Variants in SHISA9 observed in about 807,000 individuals in gnomAD.
SHISA9 encodes the protein shisa family member 9, also known as protein shisa-9.
A neutral mutation model predicts 38.0 loss-of-function variants in SHISA9; 13 were observed. The ratio of observed to expected loss-of-function variants is 0.34; its 90% confidence interval spans 0.22 to 0.54. SHISA9 has a LOEUF of 0.54. Ranked by LOEUF, SHISA9 falls within the 20% of genes least tolerant of loss-of-function variation. SHISA9 has a pLI of 0.91. For missense variants in SHISA9, 538 were observed against 575.8 expected (o/e 0.93, Z 0.67); for synonymous variants, 275 against 242.0 (o/e 1.14, Z -1.27).
intron 2 of SHISA9, among the ~76,000 whole-genome samples, chr16:13,084,134 A>T (rs2073684914): frequency 6.6e-6 from 1 of 152,212 alleles, no homozygotes; most frequent in South Asian, 2.1e-4. Context: ...CTTATAAATT[A>T]TCTGCCCAGC....
chr16:13,561,231 G>A, the SHISA9 span, among the ~76,000 whole-genome samples: 10 of 152,206 alleles, frequency 6.6e-5, no homozygotes, highest in South Asian at 6.2e-4. Context: ...GAACCCTTTG[G>A]CAGTTATTAG....
intron 2 of SHISA9, among the ~76,000 whole-genome samples, chr16:13,015,297 C>T (rs1567182097): frequency 6.6e-6 from 1 of 152,196 alleles, no homozygotes; most frequent in Admixed American, 6.5e-5. Context: ...TAACTATCTG[C>T]CCCTTTCAGA....
intron 2 of SHISA9, among the ~76,000 whole-genome samples, chr16:13,186,288 CTTTTTTTTTTTT>C (rs113608898): frequency 1.9e-5 from 2 of 104,272 alleles, no homozygotes; most frequent in Admixed American, 2.3e-4. Context: ...CCATCTTAAC[CTTTTTTTTTTTT>C]TTTTTTTTTT....
At chr16:13,287,128 CTG>C in the SHISA9 span, among the ~76,000 whole-genome samples, 1 of 152,126 alleles carries the variant, frequency 6.6e-6, no homozygotes, top group South Asian at 2.1e-4. Flanking sequence ...ATTTAAAACA[CTG>C]TAACATGGCC....
intron 2 of SHISA9, among the ~76,000 whole-genome samples, chr16:12,969,541 C>T (rs976388996): frequency 1.3e-5 from 2 of 151,836 alleles, no homozygotes; most frequent in African/African-American, 2.4e-5. Flanking sequence ...GCCAGGAGTT[C>T]GAGACCAGCC....
the SHISA9 span, among the ~76,000 whole-genome samples, chr16:13,413,977 T>G: frequency 1.6e-4 from 25 of 152,114 alleles, no homozygotes; most frequent in African/African-American, 6.0e-4. Flanking sequence ...GGAACCAATG[T>G]CAACTGCAGA....
At chr16:13,123,599 T>C (rs1266385162) in intron 2 of SHISA9, among the ~76,000 whole-genome samples, 1 of 152,226 alleles carries the variant, frequency 6.6e-6, no homozygotes, top group Non-Finnish European at 1.5e-5. Flanking sequence ...AGGTCTGAGA[T>C]AGATGGTGAA....
At chr16:13,425,469 A>G in the SHISA9 span, among the ~76,000 whole-genome samples, 1 of 152,220 alleles carries the variant, frequency 6.6e-6, no homozygotes, top group Non-Finnish European at 1.5e-5. Flanking sequence ...CCTGGGGGAC[A>G]GAGTGAGACT....
chr16:13,437,269 G>C, the SHISA9 span, among the ~76,000 whole-genome samples: 1 of 152,090 alleles, frequency 6.6e-6, no homozygotes, highest in Non-Finnish European at 1.5e-5. Flanking sequence ...AGATGATATG[G>C]CTTCAAAAAA....
Position 12,916,762 on chromosome 16 carries a change from T to C in SHISA9, c.638T>C (p.Val213Ala). Residue 213 changes from valine to alanine, a missense_variant, in exon 2 of 5, where the codon GTC (valine) becomes GCC (alanine). Physicochemically the swap from Val to Ala is moderately conservative, Grantham distance 64. This residue lies in a region of SHISA9 where 326 missense variants were observed against 305.9 expected (regional missense o/e 1.07). Coordinates refer to ENST00000558583, the MANE Select transcript of SHISA9 (RefSeq NM_001145204.3). The part of the protein sequence containing the change: ...DHMERDLNIV[V>A]HVQHYENMDT... ...ATGGAGAGAGACCTAAACATCGTTGTCCACGTCCAGCATTATGAGAACATG... is the reference window on the plus strand; with the variant it reads ...ATGGAGAGAGACCTAAACATCGTTGCCCACGTCCAGCATTATGAGAACATG... 1.2e-5 allele frequency: 18 copies of C among 1,552,098 alleles called. No homozygotes were observed. Among genetic ancestry groups the C allele is most frequent in the Non-Finnish European group, 1.6e-5 (18 of 1,147,086 alleles).
At chr16:13,424,674 A>G in the SHISA9 span, among the ~76,000 whole-genome samples, 2 of 152,242 alleles carry the variant, frequency 1.3e-5, no homozygotes. Context: ...TTTGCAAGCC[A>G]TAATGTCTCT....
chr16:13,233,054 T>C (rs1269250068), intron 4 of SHISA9, among the ~76,000 whole-genome samples: 1 of 152,164 alleles, frequency 6.6e-6, no homozygotes, highest in Non-Finnish European at 1.5e-5. Flanking sequence ...AAAACATGTT[T>C]TGGGGTAAAA....
the SHISA9 span, among the ~76,000 whole-genome samples, chr16:13,252,268 C>A: frequency 2.6e-5 from 4 of 152,182 alleles, no homozygotes; most frequent in Non-Finnish European, 5.9e-5. Context: ...ACCTTGAGCG[C>A]TTTGTCCATC....
At chr16:13,311,790 T>G in the SHISA9 span, among the ~76,000 whole-genome samples, 4 of 152,214 alleles carry the variant, frequency 2.6e-5, no homozygotes, top group African/African-American at 9.6e-5. Context: ...CCAAGCGTGA[T>G]TCCTTCCTCT....
intron 2 of SHISA9, among the ~76,000 whole-genome samples, chr16:13,158,892 TAAA>T: frequency 7.5e-6 from 1 of 133,832 alleles, no homozygotes; most frequent in Non-Finnish European, 1.6e-5. Flanking sequence ...CCATCTCTAC[TAAA>T]AAAAAAAAAA....
chr16:13,483,705 C>T, the SHISA9 span, among the ~76,000 whole-genome samples: 14 of 151,912 alleles, frequency 9.2e-5, no homozygotes, highest in Admixed American at 2.6e-4. Flanking sequence ...TATATCCTGG[C>T]GAAAGGAATG....
At chr16:12,943,627 A>G (rs2071651674) in intron 2 of SHISA9, among the ~76,000 whole-genome samples, 1 of 152,134 alleles carries the variant, frequency 6.6e-6, no homozygotes, top group Non-Finnish European at 1.5e-5. Flanking sequence ...AGGGTTGATT[A>G]GAGGTAACAG....
chr16:13,480,062 TTAAC>T, the SHISA9 span, among the ~76,000 whole-genome samples: 2 of 152,180 alleles, frequency 1.3e-5, no homozygotes, highest in African/African-American at 2.4e-5. Flanking sequence ...CTCATAGCTA[TTAAC>T]TAACAGCAAA....
intron 2 of SHISA9, among the ~76,000 whole-genome samples, chr16:13,076,194 C>G (rs1175825009): frequency 6.6e-6 from 1 of 152,058 alleles, no homozygotes; most frequent in African/African-American, 2.4e-5. Context: ...TCACACCTGG[C>G]TAAGTTTTGT....
Sources: gnomAD v4.1 joint callset for allele counts (sites outside exome capture counted in the v4.1 genomes callset) on GRCh38, gnomAD v4.1.1 for gene constraint, gnomAD v4.1.1 regional missense constraint, MANE v1.5 for transcripts, NCBI Gene and HGNC (gene_info 2026-07-23, HGNC 2026-07-21) for gene names.